The following PLEKHH1 variants were observed in gnomAD, a reference collection of about 807,000 sequenced individuals.
PLEKHH1 encodes the protein pleckstrin homology, MyTH4 and FERM domain containing H1, also known as pleckstrin homology domain-containing family H member 1.
In PLEKHH1, 104 loss-of-function variants were observed where a neutral mutation model predicts 160.0. The ratio of observed to expected loss-of-function variants is 0.65; its 90% CI spans 0.55 to 0.76. The LOEUF is 0.76. Ranked by LOEUF, PLEKHH1 falls within the 30% of genes least tolerant of loss-of-function variation. The probability of loss-of-function intolerance (pLI) is 0.00; values close to 1 mark genes in which losing one functional copy is unlikely to be tolerated. For synonymous variants in PLEKHH1, 619 were observed against 678.4 expected (o/e 0.91, Z 1.36); for missense variants, 1,427 against 1,724.1 (o/e 0.83, Z 3.05).
intron 5 of PLEKHH1, among the ~76,000 whole-genome samples, chr14:67,560,104 G>A (rs1410643482): frequency 3.9e-5 from 6 of 152,034 alleles, no homozygotes; most frequent in Non-Finnish European, 5.9e-5. Flanking sequence ...TCGGCTTACC[G>A]CAACCTCCGC....
Position 67,574,236 on chromosome 14 carries a change from C to T in PLEKHH1, c.1927-6C>T. The T allele has an allele frequency of 1.9e-6, 3 of 1,592,988 alleles. No homozygotes were observed. The highest frequency in any genetic ancestry group is 2.6e-6 in the Non-Finnish European group (3 of 1,169,400). On this transcript the variant is annotated splice_region_variant and splice_polypyrimidine_tract_variant and intron_variant, in intron 13 of 28. Transcript: ENST00000329153. This position sits in a 1 kb window ranked among gnomAD's most constrained non-coding sequence, Gnocchi z 4.2. Reference sequence around the variant, plus strand: ...CTGCCCCACCCCCATATCTCGCCCTCCACAGCTCATCTCTGAGAAGAAAAC... The same window carrying T: ...CTGCCCCACCCCCATATCTCGCCCTTCACAGCTCATCTCTGAGAAGAAAAC...
rs765904474 is a variant in PLEKHH1 at position 67,576,536 on chromosome 14, G to A, written c.2461+33G>A. On this transcript the variant is annotated intron_variant, in intron 17 of 28. Transcript: ENST00000329153. This position sits in a 1 kb window ranked among gnomAD's most constrained non-coding sequence, Gnocchi z 4.0. ...AAGGGTGGCCACCACTGCTTGGGTT[G>A]GAGGGTAGTGGCTTGGTGACTATTG... is the stretch of plus-strand genomic sequence containing the variant. The A allele has an allele frequency of 7.7e-6, 8 of 1,042,104 alleles. No homozygotes were observed. Among genetic ancestry groups the A allele is most frequent in the Admixed American group, 3.4e-5 (2 of 58,326 alleles). 64.6% of individuals were successfully genotyped at this position (1,042,104 alleles called of 1,614,324 possible).
chr14:67,553,177 T>C (rs2034465966), intron 2 of PLEKHH1, among the ~76,000 whole-genome samples: 1 of 152,222 alleles, frequency 6.6e-6, no homozygotes, highest in African/African-American at 2.4e-5. Flanking sequence ...ATGTCACAAA[T>C]ATGAATTATC....
chr14:67,575,604 C>A, intron 15 of PLEKHH1, 132 bp downstream of exon 15: 1 of 749,658 alleles, frequency 1.3e-6, no homozygotes, highest in African/African-American at 1.7e-5. Flanking sequence ...GGCTGGATCC[C>A]TCCAGAGTGT....
At chr14:67,557,893 G>C (rs2034658519) in intron 4 of PLEKHH1, among the ~76,000 whole-genome samples, 1 of 152,160 alleles carries the variant, frequency 6.6e-6, no homozygotes, top group African/African-American at 2.4e-5. Flanking sequence ...TTGATACTTG[G>C]CTGTAGTATG....
At chr14:67,559,353 G>A (rs933616848) in intron 4 of PLEKHH1, among the ~76,000 whole-genome samples, 4 of 152,152 alleles carry the variant, frequency 2.6e-5, no homozygotes, top group African/African-American at 4.8e-5. Context: ...GAGGCACAGC[G>A]TTCTCCTTCC....
chr14:67,545,077 A>C (rs78836444), intron 2 of PLEKHH1, among the ~76,000 whole-genome samples: 1,629 of 152,320 alleles, frequency 0.011, 30 homozygotes, highest in African/African-American at 0.037. Flanking sequence ...AACCAGGCTG[A>C]TGTTTCTTTC....
chr14:67,584,185 G>A lies in PLEKHH1; in HGVS notation c.3699+61G>A, dbSNP rs111652035. The A allele has an allele frequency of 1.4e-4, 221 of 1,563,928 alleles. 1 individual carries two copies. In the African/African-American group the frequency reaches 2.8e-3, roughly 20 times the overall value. On this transcript the variant is annotated intron_variant, in intron 26 of 28. Transcript: ENST00000329153. ...GGTGTGTCCCCAACTGCTCATGTTT[G>A]AGCCATACCAATTTGCAGCCCCTAC...
At chr14:67,584,663 CCATTCATT>C (rs919851654) in intron 26 of PLEKHH1, among the ~76,000 whole-genome samples, 1 of 152,172 alleles carries the variant, frequency 6.6e-6, no homozygotes, top group African/African-American at 2.4e-5. Flanking sequence ...CGGAAAATGG[CCATTCATT>C]CATTCAACAA....
intron 1 of PLEKHH1, among the ~76,000 whole-genome samples, chr14:67,538,496 C>G (rs570845531): frequency 6.6e-6 from 1 of 152,174 alleles, no homozygotes; most frequent in African/African-American, 2.4e-5. Flanking sequence ...TCTGCTCATC[C>G]TTGTGCATTT....
At chr14:67,537,857 C>CA (rs910298607) in intron 1 of PLEKHH1, among the ~76,000 whole-genome samples, 1 of 152,174 alleles carries the variant, frequency 6.6e-6, no homozygotes, top group African/African-American at 2.4e-5. Context: ...GGCATATCCC[C>CA]ACTGACTGCT....
At chr14:67,581,860 C>T in intron 23 of PLEKHH1, 2 of 546,772 alleles carry the variant, frequency 3.7e-6, no homozygotes, top group Non-Finnish European at 3.3e-6. Context: ...ATGAACCATG[C>T]CCTCCTGTTG....
intron 2 of PLEKHH1, among the ~76,000 whole-genome samples, chr14:67,542,670 A>G (rs915258719): frequency 6.6e-6 from 1 of 151,724 alleles, no homozygotes; most frequent in Non-Finnish European, 1.5e-5. Flanking sequence ...GTGGGAAGAT[A>G]ACATTCTATT....
intron 1 of PLEKHH1, among the ~76,000 whole-genome samples, chr14:67,535,370 CTTTTTTT>C (rs71129833): frequency 6.7e-5 from 5 of 74,192 alleles, no homozygotes; most frequent in African/African-American, 1.2e-4. Flanking sequence ...GTGAGCACAT[CTTTTTTT>C]TTTTTTTTTT....
intron 15 of PLEKHH1, 77 bp from the exon 16 acceptor site, chr14:67,575,746 G>A: frequency 9.3e-7 from 1 of 1,080,786 alleles, no homozygotes. Context: ...CAGCTTCACG[G>A]AGCCTATGTA....
chr14:67,569,018 C>T (rs2092813277), intron 7 of PLEKHH1, 120 bp from the exon 8 acceptor site: 2 of 622,090 alleles, frequency 3.2e-6, no homozygotes, highest in Non-Finnish European at 5.6e-6. Context: ...ATTTGTTAGC[C>T]AGTCACTGCC....
chr14:67,571,284 T>C lies in PLEKHH1; in HGVS notation c.1435-468T>C, dbSNP rs548438001. 9.3e-5 allele frequency: 15 copies of C among 161,888 alleles called. No homozygotes were observed. The South Asian group carries it at 2.6e-3, about 28-fold the overall frequency. 10.0% of individuals were successfully genotyped at this position (161,888 alleles called of 1,614,324 possible). ...TGACAGGTACTGCCAAATTACCTTC[T>C]AAAAATGCCTTACACACTAGAGTTT... On this transcript the variant is annotated intron_variant, in intron 9 of 28. Transcript: ENST00000329153.
rs2035479479 is a variant in PLEKHH1 at position 67,573,418 on chromosome 14, A to G, written c.1839+32A>G. 3 of 1,275,718 alleles carry G rather than the reference A, an allele frequency of 2.4e-6. No homozygotes were observed. In the East Asian group the frequency reaches 6.9e-5, roughly 29 times the overall value. 79.0% of individuals were successfully genotyped at this position (1,275,718 alleles called of 1,614,324 possible). A position where few individuals can be genotyped will look rare whatever the true frequency, so the allele number is the denominator to read the frequency against. On this transcript the variant is annotated intron_variant, in intron 12 of 28. Coordinates refer to ENST00000329153, the MANE Select transcript of PLEKHH1 (RefSeq NM_020715.3). The surrounding 1 kb of genome is among the most constrained non-coding windows in gnomAD (Gnocchi z 4.8). ...GTCTCCCCGCCCAGCACTGCAGTCA[A>G]AAGGTCTCCACATCACACCCTGGAC...
In PLEKHH1 at chr14:67,582,065, GTAGGCTGTACTT is replaced by G; in HGVS notation, c.3285-2_3294del. ...GTCCTGGTTTCTTATTCTCTTCTTTGTAGGCTGTACTTTCGCAGTCAAGTCAAAGGGGAGACG... is the reference window on the plus strand; with the variant it reads ...GTCCTGGTTTCTTATTCTCTTCTTTGTCGCAGTCAAGTCAAAGGGGAGACG... On this transcript the variant is annotated splice_acceptor_variant and splice_polypyrimidine_tract_variant and coding_sequence_variant and intron_variant, in exon 24 of 29. Coordinates refer to ENST00000329153, the MANE Select transcript of PLEKHH1 (RefSeq NM_020715.3). LOFTEE classifies it high-confidence loss of function. This position sits in a 1 kb window ranked among gnomAD's most constrained non-coding sequence, Gnocchi z 5.0. 1 of 1,607,166 alleles carries G rather than the reference GTAGGCTGTACTT, an allele frequency of 6.2e-7. No individual in the cohort carries two copies. The highest frequency in any genetic ancestry group is 2.2e-5 in the East Asian group (1 of 44,794).
Sources: allele counts gnomAD v4.1 joint callset (sites outside exome capture counted in the v4.1 genomes callset), GRCh38; gene constraint gnomAD v4.1.1; non-coding constraint Gnocchi (gnomAD v3.1); transcripts MANE v1.5; gene names NCBI Gene and HGNC (gene_info 2026-07-23, HGNC 2026-07-21).